Variants in KCNH8 observed in about 807,000 individuals in gnomAD.
KCNH8 encodes voltage-gated delayed rectifier potassium channel KCNH8.
KCNH8 carries 70 observed loss-of-function variants against 103.6 expected under a neutral mutation model. The ratio of observed to expected loss-of-function variants is 0.68; its 90% CI spans 0.56 to 0.82. The LOEUF is 0.82. Ranked by LOEUF, KCNH8 falls within the 40% of genes least tolerant of loss-of-function variation. The pLI is 0.00. For synonymous variants in KCNH8, 498 were observed against 489.4 expected, an observed-to-expected ratio of 1.02 and a Z score of -0.23; for missense variants, 1,217 against 1,329.9, an observed-to-expected ratio of 0.92 and a Z score of 1.32.
At position 19,404,343 on chromosome 3, in the gene KCNH8, C is replaced by G. The variant is rs546056916; in HGVS notation, c.1177+9032C>G. Among the ~76,000 whole-genome samples the G allele has an allele frequency of 2.6e-5, 4 of 152,068 alleles. No homozygotes were observed. The South Asian group carries it at 8.3e-4, about 32-fold the overall frequency. ...GGTTTCTCAGCTTTCAAGGAATACT[C>G]TTGGCTCTTAAACATCTTAGGCTGT... On this transcript the variant is annotated intron_variant, in intron 7 of 15. Coordinates refer to ENST00000328405, the MANE Select transcript of KCNH8 (RefSeq NM_144633.3).
intron 2 of KCNH8, among the ~76,000 whole-genome samples, chr3:19,270,469 C>A (rs757075807): frequency 2.6e-5 from 4 of 152,114 alleles, no homozygotes; most frequent in Admixed American, 2.0e-4. Context: ...AAAACGATTT[C>A]TGTCTTAGAG....
rs1559400834 is a variant in KCNH8, at chr3:19,156,987, A to ATTTTT, written c.76+8192_76+8193insTTTTT. Among the ~76,000 whole-genome samples, 364 of 147,196 alleles carry ATTTTT rather than the reference A, an allele frequency of 2.5e-3. 2 individuals carry two copies. Among genetic ancestry groups the ATTTTT allele is most frequent in the African/African-American group, 9.0e-3 (333 of 37,132 alleles). On this transcript the variant is annotated intron_variant, in intron 1 of 15. Coordinates refer to ENST00000328405, the MANE Select transcript of KCNH8 (RefSeq NM_144633.3). ...AAAGCTTTTTTTTTTTTTTTTAAAA[A>ATTTTT]AAAGGTTTTCTTTTGTTCTATTAAG...
intron 8 of KCNH8, among the ~76,000 whole-genome samples, chr3:19,447,568 T>G (rs78446195): frequency 6.6e-6 from 1 of 152,170 alleles, no homozygotes; most frequent in East Asian, 1.9e-4. Context: ...TTAATCTCCA[T>G]GGAAAGACTA....
chr3:19,528,479 G>A (rs2069104279), intron 15 of KCNH8, among the ~76,000 whole-genome samples: 1 of 152,034 alleles, frequency 6.6e-6, no homozygotes, highest in Admixed American at 6.6e-5. Context: ...CTACAATTAT[G>A]AAGGAAACAC....
chr3:19,320,584 A>G (rs540707575), intron 3 of KCNH8, among the ~76,000 whole-genome samples: 9 of 151,470 alleles, frequency 5.9e-5, no homozygotes, highest in Non-Finnish European at 1.3e-4. Flanking sequence ...GGTCACTAGT[A>G]TTTTTTTTGA....
chr3:19,272,987 C>G (rs1322343141), intron 2 of KCNH8, among the ~76,000 whole-genome samples: 1 of 152,156 alleles, frequency 6.6e-6, no homozygotes, highest in Non-Finnish European at 1.5e-5. Context: ...TGCAGGCACT[C>G]AATAAATATC....
At chr3:19,333,608 C>T (rs2065541446) in intron 3 of KCNH8, among the ~76,000 whole-genome samples, 1 of 152,058 alleles carries the variant, frequency 6.6e-6, no homozygotes, top group South Asian at 2.1e-4. Context: ...ACAAAATTAA[C>T]AATAGACTGT....
At chr3:19,488,195 C>T (rs961561890) in intron 11 of KCNH8, among the ~76,000 whole-genome samples, 1 of 152,124 alleles carries the variant, frequency 6.6e-6, no homozygotes, top group Non-Finnish European at 1.5e-5. Flanking sequence ...TTTCTAATGT[C>T]CTATTTCCTT....
At chr3:19,171,520 G>A (rs2063348521) in intron 1 of KCNH8, among the ~76,000 whole-genome samples, 1 of 152,102 alleles carries the variant, frequency 6.6e-6, no homozygotes, top group African/African-American at 2.4e-5. Context: ...GTGGAAGTAT[G>A]TGGCTTCTCT....
At chr3:19,370,560 A>C (rs2066074575) in intron 5 of KCNH8, among the ~76,000 whole-genome samples, 1 of 152,096 alleles carries the variant, frequency 6.6e-6, no homozygotes, top group African/African-American at 2.4e-5. Context: ...TATTATTACT[A>C]AGCTAAGATA....
rs1301134590 is a variant in KCNH8 at position 19,450,317 on chromosome 3, T to G, written c.1575+12T>G. The G allele has an allele frequency of 6.2e-7, 1 of 1,600,694 alleles. No individual in the cohort carries two copies. The highest frequency in any genetic ancestry group is 8.6e-7 in the Non-Finnish European group (1 of 1,168,006). ...TAGATTCAAATGAGGTAATGTTCAT[T>G]TCTCATGTTGTTTTCAGGCAGAAAG... On this transcript the variant is annotated intron_variant, in intron 9 of 15. Coordinates refer to ENST00000328405, the MANE Select transcript of KCNH8 (RefSeq NM_144633.3).
intron 7 of KCNH8, among the ~76,000 whole-genome samples, chr3:19,423,173 A>C (rs1446443506): frequency 1.3e-5 from 2 of 152,076 alleles, no homozygotes; most frequent in Non-Finnish European, 2.9e-5. Context: ...GTCAGACTGC[A>C]TGACCCTAAG....
intron 11 of KCNH8, among the ~76,000 whole-genome samples, chr3:19,465,803 G>A (rs1203655232): frequency 6.6e-6 from 1 of 152,052 alleles, no homozygotes; most frequent in Non-Finnish European, 1.5e-5. Flanking sequence ...AAACTTAAAT[G>A]AAGGAAGTCA....
In KCNH8 at chr3:19,517,995, C is replaced by T. The variant is rs1293197438; in HGVS notation, c.2543-3C>T. ...CTCATTCTGTATGTGTGTCACTTTT[C>T]AGATCCAGAGATTGGAGCTGCTGTT... is the stretch of plus-strand genomic sequence containing the variant. On this transcript the variant is annotated splice_region_variant and splice_polypyrimidine_tract_variant and intron_variant, in intron 14 of 15. Coordinates refer to ENST00000328405, the MANE Select transcript of KCNH8 (RefSeq NM_144633.3). The T allele has an allele frequency of 1.5e-5, 24 of 1,611,332 alleles. No individual in the cohort carries two copies. The Admixed American group carries it at 4.0e-4, about 27-fold the overall frequency.
At chr3:19,526,327 G>A (rs370152777) in intron 15 of KCNH8, among the ~76,000 whole-genome samples, 7 of 151,812 alleles carry the variant, frequency 4.6e-5, no homozygotes, top group Non-Finnish European at 7.4e-5. Context: ...GCCTATCAAC[G>A]GAAGTTCCAG....
At chr3:19,204,602 T>C (rs1303955556) in intron 1 of KCNH8, among the ~76,000 whole-genome samples, 1 of 151,942 alleles carries the variant, frequency 6.6e-6, no homozygotes, top group African/African-American at 2.4e-5. Flanking sequence ...GAGAAAAAAA[T>C]ATCAAGGTTG....
intron 2 of KCNH8, among the ~76,000 whole-genome samples, chr3:19,254,469 C>T (rs897178429): frequency 6.6e-6 from 1 of 152,082 alleles, no homozygotes; most frequent in East Asian, 1.9e-4. Flanking sequence ...TTCTTGGGCT[C>T]CAAACTGCCT....
At chr3:19,176,121 A>G (rs1367646522) in intron 1 of KCNH8, among the ~76,000 whole-genome samples, 1 of 152,132 alleles carries the variant, frequency 6.6e-6, no homozygotes, top group Non-Finnish European at 1.5e-5. Context: ...GTTTGAGGTG[A>G]AATATTTGTT....
intron 3 of KCNH8, among the ~76,000 whole-genome samples, chr3:19,335,435 A>ATATG (rs1553638881): frequency 7.1e-4 from 104 of 145,928 alleles, no homozygotes; most frequent in African/African-American, 2.5e-3. Flanking sequence ...GTGTATATAT[A>ATATG]TGTGTGTGTG....
Sources: allele counts gnomAD v4.1 joint callset (sites outside exome capture counted in the v4.1 genomes callset), GRCh38; gene constraint gnomAD v4.1.1; transcripts MANE v1.5; gene names NCBI Gene and HGNC (gene_info 2026-07-23, HGNC 2026-07-21).